MATN2: variants seen among roughly 807,000 people sequenced by gnomAD.
MATN2 encodes the protein matrilin 2.
In MATN2, 69 loss-of-function variants were observed where a neutral mutation model predicts 103.2. The ratio of observed to expected loss-of-function variants is 0.67; its 90% CI spans 0.55 to 0.82. MATN2 has a LOEUF of 0.82. Ranked by LOEUF, MATN2 falls within the 40% of genes least tolerant of loss-of-function variation. The pLI is 0.00. For synonymous variants in MATN2, 429 were observed against 450.2 expected (o/e 0.95, Z 0.60); for missense variants, 1,023 against 1,211.5 (o/e 0.84, Z 2.31).
intron 1 of MATN2, among the ~76,000 whole-genome samples, chr8:97,872,165 G>A (rs1817918353): frequency 6.6e-6 from 1 of 152,206 alleles, no homozygotes; most frequent in Non-Finnish European, 1.5e-5. Flanking sequence ...ATGTCATAGG[G>A]TTGTTGTAAG....
rs181060750 is a variant in MATN2 at position 97,877,946 on chromosome 8, A to G, written c.-27+8659A>G. On this transcript the variant is annotated intron_variant, in intron 1 of 18. Transcript: ENST00000254898. ...TTTAGCATGCATAGCTTCCATTTCC[A>G]TGCAGTCTCACCCAGGATTTCGGGA... Among the ~76,000 whole-genome samples the G allele has an allele frequency of 3.5e-3, 532 of 152,228 alleles. 2 individuals are homozygous for G. The highest frequency in any genetic ancestry group is 5.6e-3 in the Non-Finnish European group (384 of 68,006).
At chr8:97,876,569 T>C (rs1000044644) in intron 1 of MATN2, among the ~76,000 whole-genome samples, 2 of 150,846 alleles carry the variant, frequency 1.3e-5, no homozygotes, top group Non-Finnish European at 1.5e-5. Flanking sequence ...AGCAATCTGC[T>C]CGGCTCAGCC....
chr8:98,003,920 T>A, intron 8 of MATN2, 137 bp downstream of exon 8: 1 of 911,446 alleles, frequency 1.1e-6, no homozygotes, highest in Non-Finnish European at 1.7e-6. Flanking sequence ...TTCCTTATCC[T>A]CAGTTTCATC....
intron 1 of MATN2, among the ~76,000 whole-genome samples, chr8:97,878,423 C>G (rs1482251473): frequency 2.6e-5 from 4 of 151,728 alleles, no homozygotes; most frequent in African/African-American, 9.7e-5. Flanking sequence ...CGTGGGGGTA[C>G]TGGTGTAGTC....
chr8:98,034,541 T>C (rs1322389438), intron 18 of MATN2, among the ~76,000 whole-genome samples: 3 of 152,168 alleles, frequency 2.0e-5, no homozygotes, highest in Non-Finnish European at 4.4e-5. Flanking sequence ...GAGTGGTTAA[T>C]TGACGAATAT....
chr8:98,032,175 C>T, intron 15 of MATN2, 71 bp from the exon 16 acceptor site: 2 of 1,278,284 alleles, frequency 1.6e-6, no homozygotes, highest in Non-Finnish European at 2.2e-6. Flanking sequence ...TGGTCTGGGA[C>T]CAGCTTCCTG....
rs1436549692 is a variant in MATN2 at position 98,036,340 on chromosome 8, C to T, written c.*628C>T. The T allele has an allele frequency of 6.6e-6, 1 of 152,114 alleles. No homozygotes were observed. The highest frequency in any genetic ancestry group is 2.4e-5 in the African/African-American group (1 of 41,420). 9.4% of individuals were successfully genotyped at this position (152,114 alleles called of 1,614,324 possible). A position where few individuals can be genotyped will look rare whatever the true frequency, so the allele number is the denominator to read the frequency against. The stretch of plus-strand genomic sequence containing the variant: ...GTAATCAGGAAAATGCAGGTTAAAA[C>T]AATACCATTTTTCACCCATCAGCTT... On this transcript the variant is annotated 3_prime_UTR_variant, in exon 19 of 19. Coordinates refer to ENST00000254898, the MANE Select transcript of MATN2 (RefSeq NM_002380.5).
At chr8:98,029,607 C>T (rs764288739) in intron 14 of MATN2, among the ~76,000 whole-genome samples, 2 of 152,132 alleles carry the variant, frequency 1.3e-5, no homozygotes, top group African/African-American at 4.8e-5. Flanking sequence ...ACTGGGCTCC[C>T]GGACAAATAT....
Position 97,888,191 on chromosome 8 carries a change from T to C in MATN2, c.91T>C (p.Ser31Pro). 1 of 1,603,450 alleles carries C rather than the reference T, an allele frequency of 6.2e-7. No homozygotes were observed. Among genetic ancestry groups the C allele is most frequent in the Non-Finnish European group, 8.5e-7 (1 of 1,174,030 alleles). ...AEARERSRGRSISRGRHARTH... is the reference protein window; with the variant it reads ...AEARERSRGRPISRGRHARTH... The stretch of plus-strand genomic sequence containing the variant: ...GGCCAGGGAGCGGTCACGTGGGAGG[T>C]CCATCTCTAGGGGCAGACACGCTCG... Residue 31 changes from serine (S) to proline (P), a missense_variant, in exon 2 of 19, where the codon TCC becomes CCC. Transcript: ENST00000254898.
intron 4 of MATN2, among the ~76,000 whole-genome samples, chr8:97,948,604 G>T (rs1810830571): frequency 6.6e-6 from 1 of 152,176 alleles, no homozygotes; most frequent in African/African-American, 2.4e-5. Flanking sequence ...AAACAATAAT[G>T]TCTTCAACAA....
chr8:98,011,756 T>C (rs902614433), intron 10 of MATN2, among the ~76,000 whole-genome samples: 2 of 152,164 alleles, frequency 1.3e-5, no homozygotes, highest in African/African-American at 2.4e-5. Context: ...CAACGTCTTA[T>C]GTGGAGCCCC....
intron 13 of MATN2, among the ~76,000 whole-genome samples, chr8:98,024,051 G>C (rs1193056025): frequency 6.6e-6 from 1 of 152,150 alleles, no homozygotes; most frequent in Non-Finnish European, 1.5e-5. Context: ...GGGTAGTCGG[G>C]AGTGAGAACA....
chr8:98,025,750 A>C (rs1280545135), intron 13 of MATN2: 1 of 444,892 alleles, frequency 2.2e-6, no homozygotes, highest in South Asian at 1.6e-5. Context: ...TGTCTCAAAA[A>C]AGAAGAAGAA....
At chr8:98,014,773 A>C (rs1190199104) in intron 10 of MATN2, among the ~76,000 whole-genome samples, 1 of 152,168 alleles carries the variant, frequency 6.6e-6, no homozygotes, top group Non-Finnish European at 1.5e-5. Context: ...AACTAACCCA[A>C]AGGTGGTTCT....
At chr8:97,964,985 C>T (rs764348216) in intron 5 of MATN2, among the ~76,000 whole-genome samples, 71 of 152,262 alleles carry the variant, frequency 4.7e-4, no homozygotes, top group South Asian at 1.2e-3. Context: ...CTACCTGCCT[C>T]GGCCTCCTAA....
Position 98,027,612 on chromosome 8 carries a change from C to A in MATN2, c.2139C>A (p.Asn713Lys). The change falls in exon 14 of 19, where the codon AAC becomes AAA. Residue 713 changes from asparagine (N) to lysine (K), a missense_variant. Asn to Lys is a moderately conservative substitution (Grantham distance 94). Coordinates refer to ENST00000254898, the MANE Select transcript of MATN2 (RefSeq NM_002380.5). Reference protein sequence around the residue: ...VHTEFTLRNFNSAKDMKKAVA... With the variant: ...VHTEFTLRNFKSAKDMKKAVA... ...CAGAGTTCACTCTGAGAAACTTCAACTCAGCCAAAGACATGAAAAAAGCCG... is the reference window on the plus strand; with the variant it reads ...CAGAGTTCACTCTGAGAAACTTCAAATCAGCCAAAGACATGAAAAAAGCCG... The A allele has an allele frequency of 6.2e-7, 1 of 1,613,774 alleles. No individual in the cohort carries two copies. Among genetic ancestry groups the A allele is most frequent in the Non-Finnish European group, 8.5e-7 (1 of 1,179,752 alleles).
At chr8:97,920,312 A>G (rs1361695805) in intron 2 of MATN2, among the ~76,000 whole-genome samples, 5 of 152,104 alleles carry the variant, frequency 3.3e-5, no homozygotes, top group Non-Finnish European at 2.9e-5. Flanking sequence ...TGTTCAAGTG[A>G]TTCTCCTGCC....
intron 6 of MATN2, among the ~76,000 whole-genome samples, chr8:97,990,769 TA>T (rs879783635): frequency 6.6e-6 from 1 of 151,912 alleles, no homozygotes; most frequent in African/African-American, 2.4e-5. Context: ...CTTGGGGAGA[TA>T]AAAAAAGAAG....
rs375231141 is a variant in MATN2 at position 97,930,985 on chromosome 8, G to C, written c.175G>C (p.Val59Leu). 6.2e-7 allele frequency: 1 copy of C among 1,612,834 alleles called. No homozygotes were observed. The highest frequency in any genetic ancestry group is 8.5e-7 in the Non-Finnish European group (1 of 1,179,230). The change falls in exon 3 of 19, where the codon GTT becomes CTT. Residue 59 changes from valine to leucine, a missense_variant. Transcript: ENST00000254898. The part of the protein sequence containing the change: ...SSCENKRADL[V>L]FIIDSSRSVN... ...CTGTGAGAACAAGCGGGCAGACCTG[G>C]TTTTCATCATTGACAGCTCTCGCAG... is the stretch of plus-strand genomic sequence containing the variant.
Sources: gnomAD v4.1 joint callset for allele counts (sites outside exome capture counted in the v4.1 genomes callset) on GRCh38, gnomAD v4.1.1 for gene constraint, MANE v1.5 for transcripts, NCBI Gene and HGNC (gene_info 2026-07-23, HGNC 2026-07-21) for gene names.